LRRC7: variants seen among roughly 807,000 people sequenced by gnomAD.
LRRC7 encodes the protein leucine rich repeat containing 7.
Under a neutral mutation model 175.7 loss-of-function variants are expected in LRRC7, and 23 were observed. The ratio of observed to expected loss-of-function variants is 0.13; its 90% confidence interval spans 0.09 to 0.19. The LOEUF is 0.19. Ranked by LOEUF, LRRC7 falls within the 10% of genes least tolerant of loss-of-function variation. The probability of loss-of-function intolerance (pLI) is 1.00; values close to 1 mark genes in which losing one functional copy is unlikely to be tolerated. For missense variants in LRRC7, 1,354 were observed against 1,904.7 expected (o/e 0.71, Z 5.38); for synonymous variants, 685 against 680.9 (o/e 1.01, Z -0.09).
chr1:69,598,540 A>T (rs1385425261), intron 1 of LRRC7, among the ~76,000 whole-genome samples: 1 of 152,106 alleles, frequency 6.6e-6, no homozygotes. Flanking sequence ...AGGGGAAGTC[A>T]ATCATTTTCT....
In LRRC7 at chr1:69,728,743, C is replaced by A. The variant is rs143278556; in HGVS notation, c.101-31448C>A. On this transcript the variant is annotated intron_variant, in intron 2 of 26. Transcript: ENST00000651989. ...TTCATTCATACTGTTACCCATTTGG[C>A]AATTGAAAGAAGTGAACTTAAAGTT... 5.1e-4 allele frequency among the ~76,000 whole-genome samples: 78 copies of A among 152,148 alleles called. 3 individuals are homozygous for A. In the East Asian group the frequency reaches 0.014, roughly 28 times the overall value.
chr1:69,902,040 T>G (rs12754604), intron 7 of LRRC7, among the ~76,000 whole-genome samples: 59,267 of 151,982 alleles, frequency 0.39, 12,802 homozygotes, highest in East Asian at 0.55. Context: ...GGGCAGGAAC[T>G]GTGTCTGCTT....
intron 10 of LRRC7, among the ~76,000 whole-genome samples, chr1:69,989,520 G>A (rs903565961): frequency 6.6e-6 from 1 of 152,078 alleles, no homozygotes; most frequent in Non-Finnish European, 1.5e-5. Context: ...TATAAAATTT[G>A]TAAGTTGGAA....
intron 6 of LRRC7, among the ~76,000 whole-genome samples, chr1:69,836,530 C>A (rs1296350349): frequency 6.6e-6 from 1 of 151,856 alleles, no homozygotes; most frequent in Admixed American, 6.6e-5. Context: ...AAACATAATA[C>A]CAATACCAAA....
chr1:70,056,160 C>T (rs1205655892), intron 23 of LRRC7, among the ~76,000 whole-genome samples: 1 of 152,116 alleles, frequency 6.6e-6, no homozygotes, highest in Non-Finnish European at 1.5e-5. Context: ...GTAGAGAAAA[C>T]TTAGCTGGAG....
At chr1:69,630,525 T>C (rs1335832862) in intron 1 of LRRC7, among the ~76,000 whole-genome samples, 1 of 152,152 alleles carries the variant, frequency 6.6e-6, no homozygotes, top group African/African-American at 2.4e-5. Context: ...TATTATTTAA[T>C]CTAAAATCTA....
At chr1:69,663,564 T>C (rs937864563) in intron 1 of LRRC7, among the ~76,000 whole-genome samples, 1 of 152,108 alleles carries the variant, frequency 6.6e-6, no homozygotes, top group Non-Finnish European at 1.5e-5. Context: ...AAATATTTAA[T>C]ACTAGGTCTT....
At chr1:69,863,142 A>C (rs907017268) in intron 7 of LRRC7, among the ~76,000 whole-genome samples, 1 of 152,124 alleles carries the variant, frequency 6.6e-6, no homozygotes, top group Non-Finnish European at 1.5e-5. Flanking sequence ...AGTTCTGTCA[A>C]ATCTGTCTAT....
At position 70,122,394 on chromosome 1, in the gene LRRC7, G is replaced by A. The variant is rs1666256592; in HGVS notation, c.*507G>A. ...ATATTTTCATAAACTAAACATCTCA[G>A]ATAGAGAAAAAATATATCTTAAAAT... On this transcript the variant is annotated 3_prime_UTR_variant, in exon 27 of 27. Coordinates refer to ENST00000651989, the MANE Select transcript of LRRC7 (RefSeq NM_001370785.2). 1.3e-5 allele frequency: 2 copies of A among 152,008 alleles called. 1 individual carries two copies. The highest frequency in any genetic ancestry group is 4.1e-4 in the South Asian group (2 of 4,838). The allele number at this position is 152,008 out of a possible 1,614,324, so 9.4% of individuals were successfully genotyped here. A position where few individuals can be genotyped will look rare whatever the true frequency, so the allele number is the denominator to read the frequency against.
chr1:70,067,570 C>T (rs186170901), intron 23 of LRRC7, among the ~76,000 whole-genome samples: 1 of 152,214 alleles, frequency 6.6e-6, no homozygotes, highest in East Asian at 1.9e-4. Context: ...ACTGATTCCT[C>T]TCACTCTATA....
At chr1:70,001,656 A>C (rs949780150) in intron 11 of LRRC7, among the ~76,000 whole-genome samples, 5 of 151,700 alleles carry the variant, frequency 3.3e-5, no homozygotes, top group African/African-American at 1.2e-4. Context: ...TATCTTAAAA[A>C]CTCCTGGAAG....
At chr1:70,074,368 C>T (rs1167458893) in intron 23 of LRRC7, among the ~76,000 whole-genome samples, 1 of 152,124 alleles carries the variant, frequency 6.6e-6, no homozygotes, top group Non-Finnish European at 1.5e-5. Context: ...AGGAAAAACT[C>T]GACCACAAGG....
chr1:70,069,078 G>C (rs1662189325), intron 23 of LRRC7, among the ~76,000 whole-genome samples: 1 of 152,182 alleles, frequency 6.6e-6, no homozygotes, highest in Non-Finnish European at 1.5e-5. Flanking sequence ...TATTGGATGA[G>C]TTGTGGTAGT....
At chr1:69,732,269 G>T (rs1667659750) in intron 2 of LRRC7, among the ~76,000 whole-genome samples, 1 of 151,718 alleles carries the variant, frequency 6.6e-6, no homozygotes, top group African/African-American at 2.4e-5. Context: ...GGCAAAAAAA[G>T]ATTTTTTAAA....
At chr1:69,861,101 A>G (rs1050516577) in intron 7 of LRRC7, among the ~76,000 whole-genome samples, 19 of 152,088 alleles carry the variant, frequency 1.2e-4, no homozygotes, top group Admixed American at 4.6e-4. Context: ...ATTACAAAGA[A>G]AAAGCATATA....
At chr1:70,107,458 A>C (rs3738119) in intron 25 of LRRC7, among the ~76,000 whole-genome samples, 10,860 of 152,282 alleles carry the variant, frequency 0.071, 469 homozygotes, top group South Asian at 0.18. Context: ...TCAGCATCAC[A>C]TTTCAAATGA....
intron 2 of LRRC7, among the ~76,000 whole-genome samples, chr1:69,756,895 T>C (rs1052713958): frequency 5.9e-5 from 9 of 152,010 alleles, no homozygotes; most frequent in Admixed American, 2.6e-4. Context: ...AAAAGATATG[T>C]TATTCCTAAA....
intron 1 of LRRC7, among the ~76,000 whole-genome samples, chr1:69,657,122 ATG>A (rs1017592263): frequency 4.0e-5 from 6 of 150,152 alleles, no homozygotes; most frequent in Non-Finnish European, 4.5e-5. Context: ...GTGTGTGTGT[ATG>A]TGTGTGTGTG....
chr1:69,782,079 T>G (rs74087715), intron 3 of LRRC7, among the ~76,000 whole-genome samples: 470 of 152,278 alleles, frequency 3.1e-3, no homozygotes, highest in African/African-American at 0.011. Flanking sequence ...ATTTCTCATC[T>G]ACAAAATAAG....
Sources: gnomAD v4.1 joint callset for allele counts (sites outside exome capture counted in the v4.1 genomes callset) on GRCh38, gnomAD v4.1.1 for gene constraint, MANE v1.5 for transcripts, NCBI Gene and HGNC (gene_info 2026-07-23, HGNC 2026-07-21) for gene names.